The following TOM1 variants were observed in gnomAD, a reference collection of about 807,000 sequenced individuals.
TOM1 encodes the protein target of Myb protein 1.
TOM1 carries 38 observed loss-of-function variants against 61.3 expected under a neutral mutation model. The ratio of observed to expected loss-of-function variants is 0.62; its 90% CI spans 0.48 to 0.81. TOM1 has a LOEUF of 0.81. Among genes scored for constraint, TOM1 ranks in the 40% least tolerant of loss-of-function variants. The probability of loss-of-function intolerance (pLI) is 0.00; values close to 1 mark genes in which losing one functional copy is unlikely to be tolerated. For missense variants in TOM1, 591 were observed against 659.6 expected, an observed-to-expected ratio of 0.90 and a Z score of 1.14; for synonymous variants, 270 against 268.8, an observed-to-expected ratio of 1.00 and a Z score of -0.04.
upstream of TOM1, chr22:35,299,801 A>G (rs1334445534): frequency 8.1e-5 from 86 of 1,058,970 alleles, 1 homozygote; most frequent in Admixed American, 1.9e-3. Flanking sequence ...CTTGTGGTCG[A>G]GCTTCGCGGT....
chr22:35,328,096 C>A (rs1165689637), intron 7 of TOM1, among the ~76,000 whole-genome samples: 1 of 152,214 alleles, frequency 6.6e-6, no homozygotes, highest in Non-Finnish European at 1.5e-5. Flanking sequence ...GTCCACCAGG[C>A]CTCAGGCTCC....
chr22:35,343,753 CCCTACA>C (rs1370093624), intron 12 of TOM1, among the ~76,000 whole-genome samples: 1 of 144,572 alleles, frequency 6.9e-6, no homozygotes, highest in Non-Finnish European at 1.5e-5. Context: ...ACACACACAC[CCCTACA>C]CCTACACATA....
At chr22:35,330,151 G>T (rs531961398) in intron 7 of TOM1, among the ~76,000 whole-genome samples, 196 bp from the exon 8 acceptor site, 1 of 152,280 alleles carries the variant, frequency 6.6e-6, no homozygotes, top group South Asian at 2.1e-4. Flanking sequence ...AGGCGTGGTG[G>T]CAGACGCCTG....
intron 7 of TOM1, 125 bp from the exon 8 acceptor site, chr22:35,330,222 C>T: frequency 2.1e-6 from 2 of 941,086 alleles, no homozygotes; most frequent in East Asian, 2.7e-5. Context: ...ACACAGCTTG[C>T]AGTGAGCCAA....
intron 1 of TOM1, among the ~76,000 whole-genome samples, chr22:35,306,882 A>G (rs900548238): frequency 2.6e-5 from 4 of 152,230 alleles, no homozygotes; most frequent in African/African-American, 9.6e-5. Flanking sequence ...CAGACAGGTC[A>G]GGTTTCAGGC....
intron 12 of TOM1, 151 bp downstream of exon 12, chr22:35,338,939 G>C: frequency 1.4e-6 from 1 of 717,594 alleles, no homozygotes; most frequent in Non-Finnish European, 2.2e-6. Context: ...TTTTTGGCTA[G>C]TGTGGTTATT....
rs1468953413 is a variant in TOM1 at position 35,323,405 on chromosome 22, G to A, written c.367-91G>A. The A allele has an allele frequency of 1.3e-6, 2 of 1,497,456 alleles. No individual in the cohort carries two copies. The highest frequency in any genetic ancestry group is 2.5e-5 in the South Asian group (2 of 79,412). 92.8% of individuals were successfully genotyped at this position (1,497,456 alleles called of 1,614,324 possible). A position where few individuals can be genotyped will look rare whatever the true frequency, so the allele number is the denominator to read the frequency against. ...GTAGTTAAAAAAAAAAAAAAAGCAG[G>A]GAAAGAATGTCTGTTCTCTGTCTGA... On this transcript the variant is annotated intron_variant, in intron 4 of 14. Transcript: ENST00000449058. This position sits in a 1 kb window ranked among gnomAD's most constrained non-coding sequence, Gnocchi z 4.2.
At position 35,347,391 on chromosome 22, in the gene TOM1, G is replaced by A. The variant is rs921354850; in HGVS notation, c.*182G>A. 15 of 588,060 alleles carry A rather than the reference G, an allele frequency of 2.6e-5. No individual in the cohort carries two copies. The highest frequency in any genetic ancestry group is 3.7e-5 in the Non-Finnish European group (13 of 347,238). The allele number at this position is 588,060 out of a possible 1,614,324, so 36.4% of individuals were successfully genotyped here. On this transcript the variant is annotated 3_prime_UTR_variant, in exon 15 of 15. Transcript: ENST00000449058. ...GGGTGTGGAGGCAGTGGGATGAACTGGGGGACAGGTCTGCGCTGCAGTGGG... is the reference window on the plus strand; with the variant it reads ...GGGTGTGGAGGCAGTGGGATGAACTAGGGGACAGGTCTGCGCTGCAGTGGG...
In TOM1 at chr22:35,299,894, G is replaced by A. The variant is rs1169671283; in HGVS notation, c.-35G>A. On this transcript the variant is annotated 5_prime_UTR_variant, in exon 1 of 15. Coordinates refer to ENST00000449058, the MANE Select transcript of TOM1 (RefSeq NM_005488.3). ...GTGGCGCTGGCGGTTGCTGTCAGCT[G>A]ATTCCCGGGGTTGGTGGCAGCGGCG... 1 of 1,569,278 alleles carries A rather than the reference G, an allele frequency of 6.4e-7. No homozygotes were observed. The highest frequency in any genetic ancestry group is 1.3e-5 in the African/African-American group (1 of 74,098).
intron 11 of TOM1, chr22:35,335,507 A>G (rs1929232185): frequency 6.6e-6 from 1 of 152,592 alleles, no homozygotes; most frequent in African/African-American, 2.4e-5. Flanking sequence ...TGCCGAGGCT[A>G]CCCTGCAAAG....
chr22:35,339,918 G>C (rs1425665268), intron 12 of TOM1, among the ~76,000 whole-genome samples: 5 of 148,462 alleles, frequency 3.4e-5, no homozygotes, highest in Non-Finnish European at 7.5e-5. Context: ...AAAAAAAAAA[G>C]AGCGGACCCT....
chr22:35,340,476 G>A (rs1929782903), intron 12 of TOM1, among the ~76,000 whole-genome samples: 1 of 152,142 alleles, frequency 6.6e-6, no homozygotes, highest in Non-Finnish European at 1.5e-5. Flanking sequence ...GCCGGGCACA[G>A]TGGCTCACAC....
chr22:35,342,785 A>G (rs914476209), intron 12 of TOM1, among the ~76,000 whole-genome samples: 3 of 148,262 alleles, frequency 2.0e-5, no homozygotes, highest in Non-Finnish European at 4.5e-5. Flanking sequence ...CACCCACCAC[A>G]CACACCTCCA....
In TOM1 at chr22:35,340,030, G is replaced by A. The variant is rs5995087; in HGVS notation, c.1224+1242G>A. Among the ~76,000 whole-genome samples the A allele has an allele frequency of 7.9e-4, 121 of 152,380 alleles. 1 individual carries two copies. The highest frequency in any genetic ancestry group is 2.7e-3 in the African/African-American group (114 of 41,588). On this transcript the variant is annotated intron_variant, in intron 12 of 14. Coordinates refer to ENST00000449058, the MANE Select transcript of TOM1 (RefSeq NM_005488.3). ...TTGTCCAGCACCGAGCACATTTTGTGGGTGACCCCCACACGCTTTGGCAAG... is the reference window on the plus strand; with the variant it reads ...TTGTCCAGCACCGAGCACATTTTGTAGGTGACCCCCACACGCTTTGGCAAG...
intron 2 of TOM1, 50 bp downstream of exon 2, chr22:35,318,011 C>A (rs60248459): frequency 6.8e-7 from 1 of 1,463,680 alleles, no homozygotes; most frequent in Non-Finnish European, 9.6e-7. Flanking sequence ...CATCCCACCA[C>A]GCAGCACACT....
intron 2 of TOM1, chr22:35,318,179 A>G (rs942919429): frequency 5.5e-6 from 3 of 548,822 alleles, no homozygotes; most frequent in African/African-American, 3.8e-5. Flanking sequence ...CTGCCACCCC[A>G]CCCCGCCTCT....
chr22:35,318,482 T>C (rs1387773681), intron 2 of TOM1, among the ~76,000 whole-genome samples: 2 of 152,248 alleles, frequency 1.3e-5, no homozygotes, highest in Non-Finnish European at 2.9e-5. Flanking sequence ...CGGGCGTTTC[T>C]GGTGTTGGGG....
Position 35,347,210 on chromosome 22 carries a change from G to A in TOM1, c.*1G>A, listed in dbSNP as rs201233479. ...TGATGACATGCTGTTTGCCTTATGA[G>A]TGTGGGGTCTGGCACCCTGCAGCCC... On this transcript the variant is annotated 3_prime_UTR_variant, in exon 15 of 15. Coordinates refer to ENST00000449058, the MANE Select transcript of TOM1 (RefSeq NM_005488.3). The A allele has an allele frequency of 1.2e-6, 2 of 1,603,328 alleles. No individual in the cohort carries two copies. Among genetic ancestry groups the A allele is most frequent in the African/African-American group, 1.3e-5 (1 of 74,600 alleles).
chr22:35,346,566 C>T (rs1307556041), intron 13 of TOM1, among the ~76,000 whole-genome samples: 1 of 152,208 alleles, frequency 6.6e-6, no homozygotes, highest in African/African-American at 2.4e-5. Context: ...TTGTGACCCT[C>T]CAAGGAAAGG....
Sources: allele counts gnomAD v4.1 joint callset (sites outside exome capture counted in the v4.1 genomes callset), GRCh38; gene constraint gnomAD v4.1.1; non-coding constraint Gnocchi (gnomAD v3.1); transcripts MANE v1.5; gene names NCBI Gene and HGNC (gene_info 2026-07-23, HGNC 2026-07-21).